NUCB2: variants seen among roughly 807,000 people sequenced by gnomAD.
NUCB2 encodes the protein nucleobindin-2.
In NUCB2, 48 loss-of-function variants were observed where a neutral mutation model predicts 57.9. The observed-to-expected ratio is 0.83, with a 90% CI of 0.66 to 1.05. The LOEUF is 1.05. Among genes scored for constraint, NUCB2 ranks in the 50% least tolerant of loss-of-function variants. The probability of loss-of-function intolerance (pLI) is 0.00; values close to 1 mark genes in which losing one functional copy is unlikely to be tolerated. For missense variants in NUCB2, 442 were observed against 476.2 expected, an observed-to-expected ratio of 0.93 and a Z score of 0.67; for synonymous variants, 139 against 152.1, an observed-to-expected ratio of 0.91 and a Z score of 0.64.
intron 2 of NUCB2, among the ~76,000 whole-genome samples, chr11:17,339,020 C>T (rs1952029631): frequency 6.6e-6 from 1 of 151,026 alleles, no homozygotes; most frequent in Non-Finnish European, 1.5e-5. Context: ...TGGAGCCTCA[C>T]TCTGTTGCCC....
chr11:17,284,243 C>T (rs1943232777), intron 2 of NUCB2, among the ~76,000 whole-genome samples: 1 of 152,054 alleles, frequency 6.6e-6, no homozygotes, highest in South Asian at 2.1e-4. Context: ...GTCTTGAACT[C>T]CTGACCTCAG....
At position 17,307,496 on chromosome 11, in the gene NUCB2, A is replaced by G. The variant is rs1947853458; in HGVS notation, c.380-2076A>G. ...TTATATATAAGCAAATACAAATACA[A>G]TTTTTTTATTGTCCCTTTCTTTTTA... On this transcript the variant is annotated intron_variant, in intron 5 of 13. Transcript: ENST00000529010. Among the ~76,000 whole-genome samples, 2 of 152,092 alleles carry G rather than the reference A, an allele frequency of 1.3e-5. 1 individual carries two copies. The highest frequency in any genetic ancestry group is 4.8e-5 in the African/African-American group (2 of 41,414).
downstream of NUCB2, chr11:17,332,214 A>G (rs1951471186): frequency 6.6e-6 from 1 of 152,038 alleles, no homozygotes; most frequent in Non-Finnish European, 1.5e-5. Flanking sequence ...TCCTGGAGGC[A>G]GTGGGGAAGG....
At chr11:17,322,047 C>G (rs1950096602) in intron 11 of NUCB2, among the ~76,000 whole-genome samples, 1 of 151,916 alleles carries the variant, frequency 6.6e-6, no homozygotes, top group Admixed American at 6.6e-5. Flanking sequence ...GTGGGTTATC[C>G]CTTCACTTTG....
intron 5 of NUCB2, among the ~76,000 whole-genome samples, chr11:17,302,474 A>G (rs1946899810): frequency 1.3e-5 from 2 of 152,216 alleles, no homozygotes; most frequent in Admixed American, 6.5e-5. Flanking sequence ...AAGAATATCT[A>G]ATCAGAAGAA....
chr11:17,298,067 G>A, intron 4 of NUCB2, among the ~76,000 whole-genome samples: 1 of 132,660 alleles, frequency 7.5e-6, no homozygotes, highest in South Asian at 2.7e-4. Context: ...GGGCAACAGA[G>A]TGAGACTTCG....
intron 5 of NUCB2, among the ~76,000 whole-genome samples, chr11:17,307,278 T>C (rs2138805685): frequency 6.6e-6 from 1 of 152,140 alleles, no homozygotes; most frequent in African/African-American, 2.4e-5. Context: ...CAGTTCCCAA[T>C]GTCCCCTAAC....
intron 11 of NUCB2, among the ~76,000 whole-genome samples, chr11:17,324,778 G>GTTTGTTTA (rs1256523913): frequency 1.1e-4 from 14 of 128,904 alleles, no homozygotes; most frequent in African/African-American, 4.3e-4. Flanking sequence ...TTGTCTATTT[G>GTTTGTTTA]TCTATTTATT....
intron 2 of NUCB2, chr11:17,283,644 C>G (rs1244388235): frequency 6.6e-6 from 1 of 152,120 alleles, no homozygotes; most frequent in East Asian, 1.9e-4. Context: ...TGGATTTGTT[C>G]TGGTTATTTT....
At chr11:17,303,208 A>G (rs191513943) in intron 5 of NUCB2, among the ~76,000 whole-genome samples, 19 of 152,346 alleles carry the variant, frequency 1.2e-4, no homozygotes, top group East Asian at 3.9e-4. Context: ...GAGTGATTCT[A>G]TCAAACCATT....
At chr11:17,320,983 A>G (rs1949942958) in intron 11 of NUCB2, among the ~76,000 whole-genome samples, 1 of 152,094 alleles carries the variant, frequency 6.6e-6, no homozygotes, top group South Asian at 2.1e-4. Context: ...CATACATAGT[A>G]TGTGTATATA....
chr11:17,346,005 G>C (rs1952706926), intron 2 of NUCB2, among the ~76,000 whole-genome samples: 1 of 151,944 alleles, frequency 6.6e-6, no homozygotes, highest in African/African-American at 2.4e-5. Flanking sequence ...TGTTTGTATA[G>C]GTTTATTTCT....
In NUCB2 at chr11:17,282,900, T is replaced by C. The variant is rs1306168261; in HGVS notation, c.-44T>C. ...ATCTTACCTCTCTGGATCTCAGTTG[T>C]CTCATCTGTAAAAAGGAGATAAAAA... On this transcript the variant is annotated 5_prime_UTR_variant, in exon 2 of 14. Coordinates refer to ENST00000529010, the MANE Select transcript of NUCB2 (RefSeq NM_005013.4). The C allele has an allele frequency of 6.6e-6, 1 of 152,124 alleles. No homozygotes were observed. The highest frequency in any genetic ancestry group is 1.5e-5 in the Non-Finnish European group (1 of 68,018). The allele number at this position is 152,124 out of a possible 1,614,324, so 9.4% of individuals were successfully genotyped here. A position where few individuals can be genotyped will look rare whatever the true frequency, so the allele number is the denominator to read the frequency against.
Position 17,330,669 on chromosome 11 carries a change from G to A in NUCB2, c.1174-233G>A, listed in dbSNP as rs1219224414. ...TTTTTTGTAGAGACCAGGTCTCATT[G>A]TGTTGCCGAGGCTGGTCTCGAACTC... is the stretch of plus-strand genomic sequence containing the variant. On this transcript the variant is annotated intron_variant, in intron 12 of 13. Coordinates refer to ENST00000529010, the MANE Select transcript of NUCB2 (RefSeq NM_005013.4). The surrounding 1 kb of genome is among the most constrained non-coding windows in gnomAD (Gnocchi z 4.3). 6.6e-6 allele frequency among the ~76,000 whole-genome samples: 1 copy of A among 152,092 alleles called. No homozygotes were observed. Among genetic ancestry groups the A allele is most frequent in the Non-Finnish European group, 1.5e-5 (1 of 68,006 alleles).
chr11:17,303,884 C>CAAAAAAAAAA (rs1237614290), intron 5 of NUCB2, among the ~76,000 whole-genome samples: 1 of 54,640 alleles, frequency 1.8e-5, no homozygotes, highest in Non-Finnish European at 4.0e-5. Context: ...GACTCCATCT[C>CAAAAAAAAAA]AAAAAAAAAA....
chr11:17,314,196 CT>C (rs879782888), intron 10 of NUCB2, among the ~76,000 whole-genome samples: 1 of 152,142 alleles, frequency 6.6e-6, no homozygotes, highest in Non-Finnish European at 1.5e-5. Context: ...AATTTGACCA[CT>C]TCCCCCCACT....
chr11:17,294,969 A>C (rs1348129137), intron 2 of NUCB2, among the ~76,000 whole-genome samples: 1 of 152,046 alleles, frequency 6.6e-6, no homozygotes, highest in African/African-American at 2.4e-5. Flanking sequence ...AATCGCTTGA[A>C]CCCAGGAGGC....
At chr11:17,339,137 G>A (rs1210138750) in intron 2 of NUCB2, among the ~76,000 whole-genome samples, 1 of 151,938 alleles carries the variant, frequency 6.6e-6, no homozygotes, top group Admixed American at 6.6e-5. Flanking sequence ...CCAGGCGTGT[G>A]CCACCATACC....
chr11:17,310,787 A>G, intron 6 of NUCB2, 38 bp from the exon 7 acceptor site: 2 of 1,487,968 alleles, frequency 1.3e-6, no homozygotes, highest in Middle Eastern at 1.9e-4. Flanking sequence ...TTTCAAGTGA[A>G]TGTTTTTATT....
Sources: gnomAD v4.1 joint callset for allele counts (sites outside exome capture counted in the v4.1 genomes callset) on GRCh38, gnomAD v4.1.1 for gene constraint, Gnocchi (gnomAD v3.1) non-coding constraint, MANE v1.5 for transcripts, NCBI Gene and HGNC (gene_info 2026-07-23, HGNC 2026-07-21) for gene names.